LYPD1: variants seen among roughly 807,000 people sequenced by gnomAD.
LYPD1 encodes ly6/PLAUR domain-containing protein 1.
LYPD1 carries 14 observed loss-of-function variants against 14.2 expected under a neutral mutation model. The ratio of observed to expected loss-of-function variants is 0.99; its 90% CI spans 0.65 to 1.54. LYPD1 has a LOEUF of 1.54. Ranked by LOEUF, LYPD1 falls within the 40% of genes most tolerant of loss-of-function variation. The pLI, the probability that LYPD1 is intolerant of heterozygous loss-of-function variation, is 0.00. For synonymous variants in LYPD1, 85 were observed against 70.6 expected (o/e 1.20, Z -1.02); for missense variants, 165 against 175.7 (o/e 0.94, Z 0.34).
chr2:132,664,211 A>G (rs192871477), intron 2 of LYPD1, among the ~76,000 whole-genome samples: 1 of 152,290 alleles, frequency 6.6e-6, no homozygotes, highest in Non-Finnish European at 1.5e-5. Flanking sequence ...AGGCCAAACT[A>G]GAGCCTATCA....
Position 132,645,606 on chromosome 2 carries a change from A to T in LYPD1, c.*439T>A, listed in dbSNP as rs777159397. ...ATGGTTTTCAGGAGCATGAAGTTTG[A>T]ATGTCAAGCGAGGGAGCCTTGAGTG... On this transcript the variant is annotated 3_prime_UTR_variant, in exon 3 of 3. Coordinates refer to ENST00000397463, the MANE Select transcript of LYPD1 (RefSeq NM_144586.7). 2 of 1,608,696 alleles carry T rather than the reference A, an allele frequency of 1.2e-6. No homozygotes were observed. The highest frequency in any genetic ancestry group is 1.7e-6 in the Non-Finnish European group (2 of 1,177,200).
intron 2 of LYPD1, among the ~76,000 whole-genome samples, chr2:132,658,027 G>T (rs1356103657): frequency 1.3e-5 from 2 of 152,114 alleles, no homozygotes; most frequent in Non-Finnish European, 1.5e-5. Context: ...GAGAATTTCT[G>T]GGGGGACTTT....
At chr2:132,665,636 G>A (rs149959087) in intron 2 of LYPD1, among the ~76,000 whole-genome samples, 1 of 152,220 alleles carries the variant, frequency 6.6e-6, no homozygotes, top group Non-Finnish European at 1.5e-5. Context: ...CTTAGTAACA[G>A]TTGGCTGGTG....
rs1558879316 is a variant in LYPD1, at chr2:132,655,513, C to CTTTTTTTTT, written c.191-9234_191-9233insAAAAAAAAA. Among the ~76,000 whole-genome samples the CTTTTTTTTT allele has an allele frequency of 1.2e-3, 71 of 60,932 alleles. 1 individual carries two copies. Among genetic ancestry groups the CTTTTTTTTT allele is most frequent in the African/African-American group, 7.5e-3 (64 of 8,538 alleles). The allele number at this position is 60,932 out of a possible 152,430, so 40.0% of individuals were successfully genotyped here. ...CATGATTCTCTTGGGGGTTGAGAAG[C>CTTTTTTTTT]ATTTTTTTTTTTTTTTTTTGAGATG... On this transcript the variant is annotated intron_variant, in intron 2 of 2. Coordinates refer to ENST00000397463, the MANE Select transcript of LYPD1 (RefSeq NM_144586.7).
At chr2:132,655,514 A>ATTTTTTT (rs1180944589) in intron 2 of LYPD1, among the ~76,000 whole-genome samples, 1,635 of 99,382 alleles carry the variant, frequency 0.016, 140 homozygotes, top group Non-Finnish European at 0.021. Context: ...GTTGAGAAGC[A>ATTTTTTT]TTTTTTTTTT....
In LYPD1 at chr2:132,643,506, T is replaced by C. The variant is rs1315906644; in HGVS notation, c.*2539A>G. Among the ~76,000 whole-genome samples, 1 of 152,190 alleles carries C rather than the reference T, an allele frequency of 6.6e-6. No homozygotes were observed. The highest frequency in any genetic ancestry group is 2.4e-5 in the African/African-American group (1 of 41,450). Reference sequence around the variant, plus strand: ...TGGATGTGTGAATGTGGCTGTTTTTTCCTGGAGCATTTATTTATTGGTTTA... The same window carrying C: ...TGGATGTGTGAATGTGGCTGTTTTTCCCTGGAGCATTTATTTATTGGTTTA... On this transcript the variant is annotated 3_prime_UTR_variant, in exon 3 of 3. Transcript: ENST00000397463.
At position 132,669,672 on chromosome 2, in the gene LYPD1, A is replaced by G. The variant is rs934309550; in HGVS notation, c.52+209T>C. On this transcript the variant is annotated intron_variant, in intron 1 of 2. Transcript: ENST00000397463. The surrounding 1 kb of genome is among the most constrained non-coding windows in gnomAD (Gnocchi z 4.3). ...CAAGCTGCAGCCCGGAGTCCCGCAA[A>G]CCCGCCGCTCCCCGCTCTCCTCCTG... 1.3e-5 allele frequency among the ~76,000 whole-genome samples: 2 copies of G among 148,176 alleles called. No homozygotes were observed. The highest frequency in any genetic ancestry group is 5.0e-5 in the African/African-American group (2 of 40,108).
In LYPD1 at chr2:132,645,188, C is replaced by G. The variant is rs763051509; in HGVS notation, c.*857G>C. ...GCGGCCAAACCCAAGCACGACTGGA[C>G]GAGGTCCTACTTCCGGGCGTACATG... On this transcript the variant is annotated 3_prime_UTR_variant, in exon 3 of 3. Transcript: ENST00000397463. 6.2e-7 allele frequency: 1 copy of G among 1,614,138 alleles called. No individual in the cohort carries two copies. Among genetic ancestry groups the G allele is most frequent in the South Asian group, 1.1e-5 (1 of 91,082 alleles).
chr2:132,664,408 A>T (rs1208502285), intron 2 of LYPD1, among the ~76,000 whole-genome samples: 1 of 152,240 alleles, frequency 6.6e-6, no homozygotes, highest in Non-Finnish European at 1.5e-5. Context: ...ATATGAAGCC[A>T]TCCCTGCCCA....
At chr2:132,663,345 C>A (rs1266775628) in intron 2 of LYPD1, among the ~76,000 whole-genome samples, 1 of 152,196 alleles carries the variant, frequency 6.6e-6, no homozygotes, top group Non-Finnish European at 1.5e-5. Flanking sequence ...GTAATCTCAG[C>A]TCATTACAAC....
Position 132,669,978 on chromosome 2 carries a change from G to T in LYPD1, c.-46C>A. The stretch of plus-strand genomic sequence containing the variant: ...GGGAGAGGGCAAGCGCATCAGAGGA[G>T]GCGACAGCAGCGGAGGCTGCCCCGG... On this transcript the variant is annotated 5_prime_UTR_variant, in exon 1 of 3. Transcript: ENST00000397463. This position sits in a 1 kb window ranked among gnomAD's most constrained non-coding sequence, Gnocchi z 4.3. The T allele has an allele frequency of 6.2e-7, 1 of 1,603,482 alleles. No individual in the cohort carries two copies.
intron 2 of LYPD1, among the ~76,000 whole-genome samples, chr2:132,663,557 T>C (rs1340271573): frequency 2.0e-5 from 3 of 152,230 alleles, no homozygotes; most frequent in Non-Finnish European, 4.4e-5. Context: ...ATTACAGGCA[T>C]GAGCCGCCGT....
intron 2 of LYPD1, among the ~76,000 whole-genome samples, chr2:132,657,268 G>T (rs1053422751): frequency 3.3e-5 from 5 of 152,308 alleles, no homozygotes; most frequent in Admixed American, 2.0e-4. Context: ...AGGGAGGAAG[G>T]TTTCTGCGCA....
chr2:132,662,687 A>T (rs1683025860), intron 2 of LYPD1, among the ~76,000 whole-genome samples: 1 of 152,104 alleles, frequency 6.6e-6, no homozygotes, highest in Non-Finnish European at 1.5e-5. Context: ...AGGGAGGCAG[A>T]TTTCCTTTTC....
rs750608039 is a variant in LYPD1 at position 132,645,545 on chromosome 2, A to G, written c.*500T>C. The G allele has an allele frequency of 1.2e-5, 20 of 1,613,964 alleles. No individual in the cohort carries two copies. Among genetic ancestry groups the G allele is most frequent in the African/African-American group, 1.2e-4 (9 of 74,918 alleles). ...TTGAGTCTCGAGTCACTAGAGCCCAACTCAGGCGCGAAACCAGCCAATTCT... is the reference window on the plus strand; with the variant it reads ...TTGAGTCTCGAGTCACTAGAGCCCAGCTCAGGCGCGAAACCAGCCAATTCT... On this transcript the variant is annotated 3_prime_UTR_variant, in exon 3 of 3. Coordinates refer to ENST00000397463, the MANE Select transcript of LYPD1 (RefSeq NM_144586.7).
chr2:132,659,275 C>G (rs1396546626), intron 2 of LYPD1, among the ~76,000 whole-genome samples: 1 of 152,100 alleles, frequency 6.6e-6, no homozygotes, highest in African/African-American at 2.4e-5. Context: ...TATACGCAGT[C>G]AGCAAATAGT....
At position 132,669,704 on chromosome 2, in the gene LYPD1, G is replaced by C. The variant is rs1012290542; in HGVS notation, c.52+177C>G. On this transcript the variant is annotated intron_variant, in intron 1 of 2. Coordinates refer to ENST00000397463, the MANE Select transcript of LYPD1 (RefSeq NM_144586.7). This position sits in a 1 kb window ranked among gnomAD's most constrained non-coding sequence, Gnocchi z 4.3. ...GCTCCCCGCTCTCCTCCTGCAGCGCGGGACTTGGACACTTTCCCAGCCTCG... is the reference window on the plus strand; with the variant it reads ...GCTCCCCGCTCTCCTCCTGCAGCGCCGGACTTGGACACTTTCCCAGCCTCG... The C allele has an allele frequency of 1.1e-5, 14 of 1,304,430 alleles. No individual in the cohort carries two copies. Among genetic ancestry groups the C allele is most frequent in the African/African-American group, 3.1e-5 (2 of 63,966 alleles). 80.8% of individuals were successfully genotyped at this position (1,304,430 alleles called of 1,614,324 possible).
At chr2:132,670,228 C>T (rs1227579243), upstream of LYPD1, 8 of 847,648 alleles carry the variant, frequency 9.4e-6, no homozygotes, top group East Asian at 3.5e-4. The surrounding 1 kb of genome is among the most constrained non-coding windows in gnomAD (Gnocchi z 4.5). Flanking sequence ...TCGGGAGCAC[C>T]CACAAAAGTC....
At chr2:132,659,833 T>C (rs577781844) in intron 2 of LYPD1, among the ~76,000 whole-genome samples, 37 of 152,320 alleles carry the variant, frequency 2.4e-4, no homozygotes, top group African/African-American at 8.7e-4. Flanking sequence ...CCCGCTAGGC[T>C]CTAGCTATTT....
Sources: gnomAD v4.1 joint callset for allele counts (sites outside exome capture counted in the v4.1 genomes callset) on GRCh38, gnomAD v4.1.1 for gene constraint, Gnocchi (gnomAD v3.1) non-coding constraint, MANE v1.5 for transcripts, NCBI Gene and HGNC (gene_info 2026-07-23, HGNC 2026-07-21) for gene names.